The following FSTL4 variants were observed in gnomAD, a reference collection of about 807,000 sequenced individuals.
FSTL4 encodes follistatin like 4, also known as follistatin-related protein 4.
A neutral mutation model predicts 78.2 loss-of-function variants in FSTL4; 28 were observed. The observed-to-expected ratio is 0.36, with a 90% CI of 0.27 to 0.49. The LOEUF is 0.49. Ranked by LOEUF, FSTL4 falls within the 20% of genes least tolerant of loss-of-function variation. The pLI is 0.98. For missense variants in FSTL4, 922 were observed against 1,084.9 expected (o/e 0.85, Z 2.11); for synonymous variants, 422 against 440.5 (o/e 0.96, Z 0.53).
At chr5:133,356,533 G>A (rs918834395) in intron 4 of FSTL4, among the ~76,000 whole-genome samples, 35 of 152,142 alleles carry the variant, frequency 2.3e-4, no homozygotes, top group East Asian at 1.5e-3. Flanking sequence ...ACAGGTAGAC[G>A]CCCCTGCAGC....
At chr5:133,754,823 C>A in the FSTL4 span, among the ~76,000 whole-genome samples, 1 of 152,282 alleles carries the variant, frequency 6.6e-6, no homozygotes, top group South Asian at 2.1e-4. Context: ...TAGAGCCTAC[C>A]GTTTAAGACA....
intron 3 of FSTL4, among the ~76,000 whole-genome samples, chr5:133,437,160 A>T (rs1300830300): frequency 6.6e-6 from 1 of 152,180 alleles, no homozygotes; most frequent in Admixed American, 6.5e-5. Flanking sequence ...TCTGGCAGGA[A>T]GGTTAGTGAT....
At chr5:133,558,463 AC>A (rs936843580) in intron 3 of FSTL4, among the ~76,000 whole-genome samples, 2 of 151,818 alleles carry the variant, frequency 1.3e-5, no homozygotes, top group Non-Finnish European at 2.9e-5. Context: ...CTGCGCTCAG[AC>A]CCCGGCCCAG....
At chr5:133,216,377 A>G (rs928198464) in intron 13 of FSTL4, among the ~76,000 whole-genome samples, 3 of 143,036 alleles carry the variant, frequency 2.1e-5, no homozygotes, top group Admixed American at 6.8e-5. Context: ...TGCAACCTCC[A>G]CCTCCCGGGT....
At chr5:133,812,515 A>C in the FSTL4 span, among the ~76,000 whole-genome samples, 1 of 151,964 alleles carries the variant, frequency 6.6e-6, no homozygotes, top group Non-Finnish European at 1.5e-5. Context: ...TGATCCCTCT[A>C]CCTAAAACAT....
the FSTL4 span, among the ~76,000 whole-genome samples, chr5:133,704,531 C>G: frequency 1.3e-5 from 2 of 152,232 alleles, no homozygotes; most frequent in Admixed American, 1.3e-4. Flanking sequence ...ACATCCTCAT[C>G]AAAGGGGCTC....
At chr5:133,507,790 G>T (rs1758642109) in intron 3 of FSTL4, among the ~76,000 whole-genome samples, 1 of 151,390 alleles carries the variant, frequency 6.6e-6, no homozygotes, top group Non-Finnish European at 1.5e-5. Context: ...TAAAGTGCTG[G>T]GGTTACAGGC....
the FSTL4 span, among the ~76,000 whole-genome samples, chr5:133,749,858 G>C: frequency 6.6e-6 from 1 of 152,204 alleles, no homozygotes; most frequent in Admixed American, 6.5e-5. Flanking sequence ...GACTTGAGTA[G>C]GGTTTAGGGC....
At chr5:133,259,065 A>C (rs565983093) in intron 6 of FSTL4, among the ~76,000 whole-genome samples, 1 of 151,884 alleles carries the variant, frequency 6.6e-6, no homozygotes, top group Non-Finnish European at 1.5e-5. Flanking sequence ...GTCTCAGAAT[A>C]GGCTGGCAGA....
chr5:133,325,401 G>C (rs1296853288), intron 4 of FSTL4, among the ~76,000 whole-genome samples: 1 of 152,166 alleles, frequency 6.6e-6, no homozygotes, highest in Non-Finnish European at 1.5e-5. Flanking sequence ...GAGTCTCCGG[G>C]GTGCTGGAAT....
chr5:133,822,211 G>C, the FSTL4 span, among the ~76,000 whole-genome samples: 1 of 152,280 alleles, frequency 6.6e-6, no homozygotes, highest in African/African-American at 2.4e-5. Flanking sequence ...TTAATAACAA[G>C]AGGTCTCTGA....
the FSTL4 span, among the ~76,000 whole-genome samples, chr5:133,674,840 A>G: frequency 1.3e-5 from 2 of 152,184 alleles, no homozygotes; most frequent in Non-Finnish European, 2.9e-5. Flanking sequence ...TCTTCTTCAC[A>G]TAAGCTGGTA....
the FSTL4 span, among the ~76,000 whole-genome samples, chr5:133,724,789 C>T: frequency 1.3e-5 from 2 of 152,116 alleles, no homozygotes; most frequent in Admixed American, 6.6e-5. Context: ...AGAATCTCTG[C>T]CTATCCGAAA....
intron 3 of FSTL4, among the ~76,000 whole-genome samples, chr5:133,417,860 G>A (rs1756608467): frequency 6.7e-6 from 1 of 150,186 alleles, no homozygotes; most frequent in African/African-American, 2.5e-5. Flanking sequence ...TAGGGTGGCT[G>A]AGGCAGAAGA....
chr5:133,470,574 G>A (rs557520365), intron 3 of FSTL4, among the ~76,000 whole-genome samples: 12 of 151,948 alleles, frequency 7.9e-5, no homozygotes, highest in South Asian at 2.1e-4. Context: ...GTGAAACCCC[G>A]TCTCTACTAA....
intron 6 of FSTL4, among the ~76,000 whole-genome samples, chr5:133,255,772 A>C (rs908488826): frequency 6.6e-6 from 1 of 152,228 alleles, no homozygotes; most frequent in Non-Finnish European, 1.5e-5. Flanking sequence ...TGGGCTTACC[A>C]TAAGCAGGCT....
At chr5:133,661,566 C>T in the FSTL4 span, among the ~76,000 whole-genome samples, 1 of 152,184 alleles carries the variant, frequency 6.6e-6, no homozygotes, top group African/African-American at 2.4e-5. Flanking sequence ...AGCCTAACCT[C>T]ATAGTGGCAT....
chr5:133,727,662 CA>C, the FSTL4 span, among the ~76,000 whole-genome samples: 1 of 152,216 alleles, frequency 6.6e-6, no homozygotes, highest in Non-Finnish European at 1.5e-5. Context: ...AGGAAGACTG[CA>C]AAGCAGGACA....
At chr5:133,396,005 G>A (rs1209742406) in intron 4 of FSTL4, among the ~76,000 whole-genome samples, 3 of 152,172 alleles carry the variant, frequency 2.0e-5, no homozygotes, top group African/African-American at 7.2e-5. Context: ...GCAAGACAGA[G>A]AAGGTGATCA....
Sources: allele counts gnomAD v4.1 joint callset (sites outside exome capture counted in the v4.1 genomes callset), GRCh38; gene constraint gnomAD v4.1.1; transcripts MANE v1.5; gene names NCBI Gene and HGNC (gene_info 2026-07-23, HGNC 2026-07-21).